Variants in TRPM3 observed in about 807,000 individuals in gnomAD.
TRPM3 encodes transient receptor potential cation channel subfamily M member 3.
A neutral mutation model predicts 181.2 loss-of-function variants in TRPM3; 77 were observed. The ratio of observed to expected loss-of-function variants is 0.42; its 90% CI spans 0.35 to 0.51. The LOEUF (loss-of-function observed/expected upper bound fraction) is 0.51. Ranked by LOEUF, TRPM3 falls within the 20% of genes least tolerant of loss-of-function variation. The probability of loss-of-function intolerance (pLI) is 0.01; values close to 1 mark genes in which losing one functional copy is unlikely to be tolerated. For missense variants in TRPM3, 1,759 were observed against 2,196.7 expected (o/e 0.80, Z 3.98); for synonymous variants, 745 against 796.4 (o/e 0.94, Z 1.09).
At chr9:70,542,801 TATTGC>T (rs1457845226) in intron 25 of TRPM3, among the ~76,000 whole-genome samples, 3 of 152,210 alleles carry the variant, frequency 2.0e-5, no homozygotes, top group African/African-American at 7.2e-5. Flanking sequence ...AGCAATCCCG[TATTGC>T]ATGAACTCTA....
chr9:71,282,813 A>G lies in TRPM3; in HGVS notation c.183+163840T>C, dbSNP rs113517813. On this transcript the variant is annotated intron_variant, in intron 1 of 24. Coordinates refer to the TRPM3 transcript ENST00000357533. ...CTCTACAAGTGGCTGATGTGACTAG[A>G]TATCTTTAAGTCAATAAGACCTAAG... is the stretch of plus-strand genomic sequence containing the variant. 8.8e-3 allele frequency among the ~76,000 whole-genome samples: 1,341 copies of G among 152,206 alleles called. 27 individuals are homozygous for G. Among genetic ancestry groups the G allele is most frequent in the African/African-American group, 0.031 (1,282 of 41,534 alleles).
intron 1 of TRPM3, among the ~76,000 whole-genome samples, chr9:70,904,565 T>A (rs78145048): frequency 6.6e-6 from 1 of 152,100 alleles, no homozygotes; most frequent in Admixed American, 6.5e-5. Flanking sequence ...AAACAAAGCA[T>A]GCTGGGGCCA....
chr9:70,956,736 A>G (rs901038107), intron 1 of TRPM3, among the ~76,000 whole-genome samples: 2 of 151,680 alleles, frequency 1.3e-5, no homozygotes, highest in African/African-American at 2.4e-5. Flanking sequence ...AAATTTAAAA[A>G]CTAGCCAGGT....
intron 1 of TRPM3, among the ~76,000 whole-genome samples, chr9:71,017,259 A>G (rs2097792265): frequency 6.6e-6 from 1 of 152,042 alleles, no homozygotes; most frequent in Non-Finnish European, 1.5e-5. Context: ...AAAGAGGGCA[A>G]GAAAGGAGAG....
rs552783759 is a variant in TRPM3, at chr9:70,535,348, T to C, written c.*605A>G. Reference sequence around the variant, plus strand: ...CAGGTGAACTATGACTGTTACCTTGTTTTTTCTTTATAATGATCAATTACA... The same window carrying C: ...CAGGTGAACTATGACTGTTACCTTGCTTTTTCTTTATAATGATCAATTACA... On this transcript the variant is annotated 3_prime_UTR_variant, in exon 26 of 26. Coordinates refer to ENST00000677713, the MANE Select transcript of TRPM3 (RefSeq NM_001366145.2). 3.4e-6 allele frequency: 5 copies of C among 1,482,588 alleles called. No individual in the cohort carries two copies. In the African/African-American group the frequency reaches 7.0e-5, roughly 21 times the overall value. The allele number at this position is 1,482,588 out of a possible 1,614,324, so 91.8% of individuals were successfully genotyped here. A position where few individuals can be genotyped will look rare whatever the true frequency, so the allele number is the denominator to read the frequency against.
At chr9:71,176,440 A>G (rs973123553) in intron 1 of TRPM3, among the ~76,000 whole-genome samples, 2 of 152,190 alleles carry the variant, frequency 1.3e-5, no homozygotes, top group African/African-American at 4.8e-5. Context: ...ATAAGGAAAG[A>G]AAGTATTTTT....
At chr9:70,630,472 T>G (rs973008034) in intron 12 of TRPM3, among the ~76,000 whole-genome samples, 1 of 152,164 alleles carries the variant, frequency 6.6e-6, no homozygotes, top group Non-Finnish European at 1.5e-5. Context: ...GATGGGGTGG[T>G]GCTCAGTGCA....
At chr9:71,372,094 T>C (rs985368438) in intron 1 of TRPM3, among the ~76,000 whole-genome samples, 2 of 152,204 alleles carry the variant, frequency 1.3e-5, no homozygotes, top group African/African-American at 4.8e-5. Context: ...TTTCTGTTAC[T>C]GCATTAGTTT....
chr9:71,089,216 T>C lies in TRPM3; in HGVS notation c.177+31962A>G, dbSNP rs1396777468. On this transcript the variant is annotated intron_variant, in intron 1 of 25. Transcript: ENST00000677713. The stretch of plus-strand genomic sequence containing the variant: ...AATATATATTTTATATATTCATATA[T>C]AACATTATATTTGCTTATAGTGTTA... Among the ~76,000 whole-genome samples the C allele has an allele frequency of 2.7e-5, 4 of 148,870 alleles. No individual in the cohort carries two copies. The Admixed American group carries it at 2.7e-4, about 10-fold the overall frequency.
chr9:70,947,774 G>A (rs147236332), intron 1 of TRPM3, among the ~76,000 whole-genome samples: 1,586 of 152,186 alleles, frequency 0.01, 30 homozygotes, highest in African/African-American at 0.036. Flanking sequence ...TTGGACTTAC[G>A]TATGAGAATA....
At chr9:71,401,864 A>C (rs2093346635) in intron 1 of TRPM3, among the ~76,000 whole-genome samples, 1 of 152,202 alleles carries the variant, frequency 6.6e-6, no homozygotes, top group Non-Finnish European at 1.5e-5. Flanking sequence ...TCAATAATTT[A>C]TCCAGCTGAG....
At chr9:70,875,750 C>T (rs2095858795) in intron 1 of TRPM3, among the ~76,000 whole-genome samples, 2 of 151,792 alleles carry the variant, frequency 1.3e-5, no homozygotes, top group South Asian at 4.1e-4. Context: ...ATTTTTTGAC[C>T]TAACAAACAA....
chr9:70,651,686 T>C (rs2059612084), intron 9 of TRPM3, among the ~76,000 whole-genome samples: 1 of 152,230 alleles, frequency 6.6e-6, no homozygotes, highest in African/African-American at 2.4e-5. Flanking sequence ...TCCTTCCTCC[T>C]GCATAGCTCC....
chr9:70,659,983 C>A (rs1051645730), intron 9 of TRPM3, among the ~76,000 whole-genome samples: 1 of 152,122 alleles, frequency 6.6e-6, no homozygotes, highest in Non-Finnish European at 1.5e-5. Flanking sequence ...GTTTTTCTCC[C>A]TTCTCCCCCT....
chr9:70,808,299 T>C (rs1292145021), intron 6 of TRPM3, among the ~76,000 whole-genome samples: 1 of 152,196 alleles, frequency 6.6e-6, no homozygotes, highest in Non-Finnish European at 1.5e-5. Context: ...TCCCTGAATG[T>C]AAAAGTGTCT....
intron 1 of TRPM3, among the ~76,000 whole-genome samples, chr9:71,326,863 T>G (rs1422088761): frequency 6.6e-6 from 1 of 152,194 alleles, no homozygotes; most frequent in Non-Finnish European, 1.5e-5. Context: ...GTGTCTCTGG[T>G]GCAGTTCCCA....
chr9:71,202,214 C>T (rs982595422), intron 1 of TRPM3, among the ~76,000 whole-genome samples: 2 of 152,126 alleles, frequency 1.3e-5, no homozygotes, highest in African/African-American at 4.8e-5. Flanking sequence ...GAGTACCCGG[C>T]CATGTGACGT....
intron 7 of TRPM3, among the ~76,000 whole-genome samples, chr9:70,762,304 AC>A (rs2078287857): frequency 6.6e-6 from 1 of 152,238 alleles, no homozygotes; most frequent in Non-Finnish European, 1.5e-5. Flanking sequence ...TTGTTCTGTT[AC>A]AGTGAACAGT....
At chr9:71,101,574 G>A (rs2134060114) in intron 1 of TRPM3, among the ~76,000 whole-genome samples, 2 of 152,210 alleles carry the variant, frequency 1.3e-5, no homozygotes, top group South Asian at 4.1e-4. Flanking sequence ...CTAAAAATTG[G>A]CACATAGCTG....
Sources: allele counts gnomAD v4.1 joint callset (sites outside exome capture counted in the v4.1 genomes callset), GRCh38; gene constraint gnomAD v4.1.1; transcripts MANE v1.5; gene names NCBI Gene and HGNC (gene_info 2026-07-23, HGNC 2026-07-21).